SCN1A: variants seen among roughly 807,000 people sequenced by gnomAD.
The protein encoded by SCN1A is sodium voltage-gated channel alpha subunit 1.
Under a neutral mutation model 193.7 loss-of-function variants are expected in SCN1A, and 13 were observed. The ratio of observed to expected loss-of-function variants is 0.07; its 90% CI spans 0.04 to 0.11. The LOEUF is 0.11. Ranked by LOEUF, SCN1A falls within the 10% of genes least tolerant of loss-of-function variation. SCN1A has a pLI of 1.00. For missense variants in SCN1A, 1,432 were observed against 2,451.1 expected, an observed-to-expected ratio of 0.58 and a Z score of 8.78; for synonymous variants, 781 against 843.6, an observed-to-expected ratio of 0.93 and a Z score of 1.29.
chr2:166,136,623 G>A (rs529347119), intron 1 of SCN1A, among the ~76,000 whole-genome samples: 1 of 152,196 alleles, frequency 6.6e-6, no homozygotes, highest in South Asian at 2.1e-4. Context: ...TACCTCAGAT[G>A]CAGTCATGGT....
chr2:166,015,742 G>A lies in SCN1A; in HGVS notation c.3430-15C>T. 6.2e-7 allele frequency: 1 copy of A among 1,612,180 alleles called. No homozygotes were observed. Reference sequence around the variant, plus strand: ...TCATTCAGTTTCTGTAAGTGAGATGGACATAGAAAGTAAAGTCCTTTAATT... The same window carrying A: ...TCATTCAGTTTCTGTAAGTGAGATGAACATAGAAAGTAAAGTCCTTTAATT... On this transcript the variant is annotated splice_polypyrimidine_tract_variant and intron_variant, in intron 19 of 28. Coordinates refer to ENST00000674923, the MANE Select transcript of SCN1A (RefSeq NM_001165963.4).
chr2:166,062,235 G>T (rs1454410301), intron 4 of SCN1A, among the ~76,000 whole-genome samples: 1 of 152,062 alleles, frequency 6.6e-6, no homozygotes, highest in Non-Finnish European at 1.5e-5. Context: ...TAGCTTTAAG[G>T]TATTGATGGA....
chr2:166,041,834 C>T (rs10198937), intron 15 of SCN1A, among the ~76,000 whole-genome samples: 39,649 of 152,034 alleles, frequency 0.26, 5,874 homozygotes, highest in Non-Finnish European at 0.34. Context: ...TTGTCAACCT[C>T]AGACTATGAG....
chr2:165,986,718 C>G lies in SCN1A; in HGVS notation c.*4527G>C, dbSNP rs1266353557. 1 of 150,354 alleles carries G rather than the reference C, an allele frequency of 6.7e-6. No homozygotes were observed. Among genetic ancestry groups the G allele is most frequent in the African/African-American group, 2.4e-5 (1 of 41,000 alleles). The allele number at this position is 150,354 out of a possible 1,614,324, so 9.3% of individuals were successfully genotyped here. ...CAGCAAAAAAAAAAAAAAAATCCTC[C>G]CCTTTCTAAAGACACACACACATCT... On this transcript the variant is annotated 3_prime_UTR_variant, in exon 29 of 29. Transcript: ENST00000674923.
chr2:166,081,528 T>C (rs1244618095), intron 2 of SCN1A: 3 of 151,866 alleles, frequency 2.0e-5, no homozygotes, highest in African/African-American at 7.2e-5. Context: ...AAAGGTGATA[T>C]CTGTCTTAGT....
chr2:166,018,351 G>A (rs557328207), intron 19 of SCN1A, among the ~76,000 whole-genome samples: 49 of 151,950 alleles, frequency 3.2e-4, no homozygotes, highest in Non-Finnish European at 6.3e-4. Flanking sequence ...ACTTACCTAA[G>A]TTGTGACTAT....
At chr2:166,061,081 A>G (rs10497278) in intron 4 of SCN1A, among the ~76,000 whole-genome samples, 28,829 of 152,056 alleles carry the variant, frequency 0.19, 2,919 homozygotes, top group East Asian at 0.27. Context: ...AGGATAATCA[A>G]GATGGTACTG....
At chr2:166,063,230 A>G (rs1683505923) in intron 4 of SCN1A, among the ~76,000 whole-genome samples, 1 of 152,138 alleles carries the variant, frequency 6.6e-6, no homozygotes, top group African/African-American at 2.4e-5. Flanking sequence ...TTCAAAACAA[A>G]TGTTGAAGCA....
At chr2:166,075,496 T>C (rs1684902407) in intron 3 of SCN1A, among the ~76,000 whole-genome samples, 2 of 152,068 alleles carry the variant, frequency 1.3e-5, no homozygotes, top group South Asian at 4.1e-4. Flanking sequence ...TTAATTTTTA[T>C]AGATTTGACT....
At chr2:166,098,140 C>G (rs1226555922) in intron 2 of SCN1A, among the ~76,000 whole-genome samples, 1 of 152,036 alleles carries the variant, frequency 6.6e-6, no homozygotes, top group Non-Finnish European at 1.5e-5. Context: ...GCAAATTGAA[C>G]CCAGCAGCAC....
rs927702462 is a variant in SCN1A at position 166,058,606 on chromosome 2, G to A, written c.347C>T (p.Pro116Leu). 1.1e-5 allele frequency: 18 copies of A among 1,610,798 alleles called. No individual in the cohort carries two copies. Among genetic ancestry groups the A allele is most frequent in the Non-Finnish European group, 1.5e-5 (18 of 1,177,298 alleles). ...SALYILTPFN[P>L]LRKIAIKILV... ...AATCTTAATAGCTATTTTCCTAAGAGGATTGAAGGGAGTTAAAATGTACAG... is the reference window on the plus strand; with the variant it reads ...AATCTTAATAGCTATTTTCCTAAGAAGATTGAAGGGAGTTAAAATGTACAG... Residue 116 changes from proline to leucine, a missense_variant, in exon 5 of 29, where the codon CCT becomes CTT. Pro to Leu is a moderately conservative substitution (Grantham distance 98). Around this residue, in one of 18 missense-constraint regions of SCN1A, gnomAD observed 123 missense variants for 282.8 expected, o/e 0.43. Coordinates refer to ENST00000674923, the MANE Select transcript of SCN1A (RefSeq NM_001165963.4).
chr2:166,093,234 A>G (rs1374122491), intron 2 of SCN1A, among the ~76,000 whole-genome samples: 3 of 152,014 alleles, frequency 2.0e-5, no homozygotes, highest in African/African-American at 7.2e-5. Flanking sequence ...GCAAGCATTC[A>G]GAAAGAATGT....
chr2:166,024,184 C>T (rs1484427541), intron 19 of SCN1A, among the ~76,000 whole-genome samples: 1 of 152,024 alleles, frequency 6.6e-6, no homozygotes, highest in African/African-American at 2.4e-5. Flanking sequence ...TGTGGTTGCG[C>T]CACTGCACTC....
chr2:166,098,307 C>A (rs533226646), intron 2 of SCN1A, among the ~76,000 whole-genome samples: 40 of 152,212 alleles, frequency 2.6e-4, no homozygotes, highest in African/African-American at 9.4e-4. Context: ...AAAAGGCTTT[C>A]AATAAAATTC....
upstream of SCN1A, among the ~76,000 whole-genome samples, chr2:166,132,593 A>G (rs1691704329): frequency 6.6e-6 from 1 of 152,206 alleles, no homozygotes; most frequent in Admixed American, 6.5e-5. Flanking sequence ...TATTAGACAA[A>G]TAAATGCAGA....
chr2:166,020,127 G>A (rs1175261778), intron 19 of SCN1A, among the ~76,000 whole-genome samples: 1 of 151,904 alleles, frequency 6.6e-6, no homozygotes, highest in East Asian at 1.9e-4. Flanking sequence ...AGCCAGGAGG[G>A]TCTCGATCTC....
intron 1 of SCN1A, among the ~76,000 whole-genome samples, chr2:166,134,924 C>T (rs1691798020): frequency 6.6e-6 from 1 of 151,996 alleles, no homozygotes; most frequent in Admixed American, 6.6e-5. Flanking sequence ...TATCTATTGC[C>T]ACAGGAGGAT....
At chr2:166,000,497 T>A (rs1434492540) in intron 24 of SCN1A, among the ~76,000 whole-genome samples, 2 of 151,692 alleles carry the variant, frequency 1.3e-5, no homozygotes, top group African/African-American at 4.8e-5. Flanking sequence ...TTACTTGTCC[T>A]GGGGCATGAA....
chr2:165,999,896 C>T, intron 24 of SCN1A, 120 bp from the exon 25 acceptor site: 2 of 812,234 alleles, frequency 2.5e-6, no homozygotes, highest in South Asian at 2.7e-5. Context: ...CATTTCAAAA[C>T]AAATTTTACA....
Sources: gnomAD v4.1 joint callset for allele counts (sites outside exome capture counted in the v4.1 genomes callset) on GRCh38, gnomAD v4.1.1 for gene constraint, gnomAD v4.1.1 regional missense constraint, MANE v1.5 for transcripts, NCBI Gene and HGNC (gene_info 2026-07-23, HGNC 2026-07-21) for gene names.